The following CBR3 variants were observed in gnomAD, a reference collection of about 807,000 sequenced individuals.
CBR3 encodes carbonyl reductase 3.
CBR3 carries 14 observed loss-of-function variants against 11.6 expected under a neutral mutation model. The observed-to-expected ratio is 1.20, with a 90% CI of 0.79 to 1.88. The LOEUF (loss-of-function observed/expected upper bound fraction) is 1.88. Among genes scored for constraint, CBR3 ranks in the 40% most tolerant of loss-of-function variants. The pLI is 0.00. For synonymous variants in CBR3, 125 were observed against 145.6 expected (o/e 0.86, Z 1.02); for missense variants, 308 against 357.3 (o/e 0.86, Z 1.11).
rs1601357563 is a variant in CBR3 at position 36,146,442 on chromosome 21, C to A, written c.764C>A (p.Ala255Asp). Residue 255 changes from alanine (A) to aspartate (D), a missense_variant, in exon 3 of 3, where the codon GCC becomes GAC. By Grantham distance (126) the Ala-to-Asp change is moderately radical. Coordinates refer to ENST00000290354, the MANE Select transcript of CBR3 (RefSeq NM_001236.4). ...EEGAETPVYLALLPPDATEPQ... is the reference protein window; with the variant it reads ...EEGAETPVYLDLLPPDATEPQ... ...GGGGCTGAGACCCCTGTCTACTTGG[C>A]CCTCTTGCCTCCAGATGCCACTGAG... The A allele has an allele frequency of 6.2e-7, 1 of 1,614,088 alleles. No homozygotes were observed. The highest frequency in any genetic ancestry group is 1.7e-5 in the Admixed American group (1 of 60,008).
At position 36,137,857 on chromosome 21, in the gene CBR3, G is replaced by A; in HGVS notation, c.322G>A (p.Glu108Lys). The A allele has an allele frequency of 6.2e-7, 1 of 1,609,370 alleles. No homozygotes were observed. The highest frequency in any genetic ancestry group is 2.2e-5 in the East Asian group (1 of 44,860). The change falls in exon 2 of 3, where the codon GAG becomes AAG. Residue 108 changes from glutamate to lysine, a missense_variant. Coordinates refer to ENST00000290354, the MANE Select transcript of CBR3 (RefSeq NM_001236.4). ...TCCAATGCCCTTTGACATTAAAGCT[G>A]AGATGACACTGAAGACAAATTTTTT... ...DDPMPFDIKA[E>K]MTLKTNFFAT...
chr21:36,135,675 G>T, intron 1 of CBR3, 194 bp downstream of exon 1: 1 of 564,152 alleles, frequency 1.8e-6, no homozygotes, highest in Admixed American at 3.8e-5. Context: ...GGGCCCGGGC[G>T]ACAAACAGCG....
At position 36,135,172 on chromosome 21, in the gene CBR3, C is replaced by T. The variant is rs2065648043; in HGVS notation, c.-21C>T. 6 of 1,432,506 alleles carry T rather than the reference C, an allele frequency of 4.2e-6. No individual in the cohort carries two copies. The highest frequency in any genetic ancestry group is 5.5e-6 in the Non-Finnish European group (6 of 1,096,430). 88.7% of individuals were successfully genotyped at this position (1,432,506 alleles called of 1,614,324 possible). On this transcript the variant is annotated 5_prime_UTR_variant, in exon 1 of 3. Transcript: ENST00000290354. The stretch of plus-strand genomic sequence containing the variant: ...GCCCGGTCCGCCCTCCACGCAGGTG[C>T]CCCGCGCTCCCCGCTCAGCCATGTC...
chr21:36,146,330 G>C lies in CBR3; in HGVS notation c.652G>C (p.Ala218Pro). ...CAGGCGTCTGGATGAGAAGAGGAAA[G>C]CTGACAGGATTCTGGTGAATGCGTG... is the stretch of plus-strand genomic sequence containing the variant. Reference protein sequence around the residue: ...LARRLDEKRKADRILVNACCP... With the variant: ...LARRLDEKRKPDRILVNACCP... The change falls in exon 3 of 3, where the codon GCT (alanine) becomes CCT (proline). Residue 218 changes from alanine (A) to proline (P), a missense_variant. Transcript: ENST00000290354. 2 of 1,614,180 alleles carry C rather than the reference G, an allele frequency of 1.2e-6. No individual in the cohort carries two copies. Among genetic ancestry groups the C allele is most frequent in the Non-Finnish European group, 1.7e-6 (2 of 1,180,044 alleles).
In CBR3 at chr21:36,135,279, C is replaced by T; in HGVS notation, c.87C>T (p.Phe29=). 6.2e-7 allele frequency: 1 copy of T among 1,607,634 alleles called. No homozygotes were observed. The highest frequency in any genetic ancestry group is 8.5e-7 in the Non-Finnish European group (1 of 1,177,840). The stretch of plus-strand genomic sequence containing the variant: ...TCGCGCGCGAACTGTGCCGACAGTT[C>T]TCTGGGGATGTGGTGCTCACCGCGC... ...LAIARELCRQ[F]SGDVVLTARD... Residue 29 remains phenylalanine, a synonymous_variant, in exon 1 of 3, where the codon TTC becomes TTT. Transcript: ENST00000290354.
At chr21:36,140,885 G>A (rs8127449) in intron 2 of CBR3, among the ~76,000 whole-genome samples, 58,362 of 151,086 alleles carry the variant, frequency 0.39, 11,596 homozygotes, top group South Asian at 0.5. Context: ...GTGGGCACCT[G>A]TAGTCCCAGC....
At chr21:36,145,225 T>C (rs1237724930) in intron 2 of CBR3, 1 of 152,200 alleles carries the variant, frequency 6.6e-6, no homozygotes, top group East Asian at 1.9e-4. Context: ...CTGTCACTGA[T>C]GGAGGTGTGT....
chr21:36,139,190 T>C (rs982339334), intron 2 of CBR3, among the ~76,000 whole-genome samples: 1 of 152,136 alleles, frequency 6.6e-6, no homozygotes, highest in Non-Finnish European at 1.5e-5. Context: ...GTGAGCATTA[T>C]AGACAGGGAC....
chr21:36,143,785 C>CA (rs2065732429), intron 2 of CBR3, among the ~76,000 whole-genome samples: 1 of 147,772 alleles, frequency 6.8e-6, no homozygotes, highest in Non-Finnish European at 1.5e-5. Context: ...GGGGCTGAGA[C>CA]AGGAGGATCA....
At chr21:36,141,930 A>G in intron 2 of CBR3, 2 of 984,626 alleles carry the variant, frequency 2.0e-6, no homozygotes, top group South Asian at 9.4e-5. Flanking sequence ...GTAGCCGCCA[A>G]GTTTCTGAGA....
chr21:36,135,905 G>A (rs1442948571), intron 1 of CBR3, among the ~76,000 whole-genome samples: 2 of 152,218 alleles, frequency 1.3e-5, no homozygotes, highest in Admixed American at 6.5e-5. Context: ...ATTCATAGAT[G>A]CCCGGAGGCA....
chr21:36,146,237 G>A lies in CBR3; in HGVS notation c.559G>A (p.Glu187Lys). 1.2e-6 allele frequency: 2 copies of A among 1,614,186 alleles called. No individual in the cohort carries two copies. Among genetic ancestry groups the A allele is most frequent in the Non-Finnish European group, 1.7e-6 (2 of 1,180,032 alleles). Residue 187 changes from glutamate (E) to lysine (K), a missense_variant, in exon 3 of 3, where the codon GAA becomes AAA. By Grantham distance (56) the Glu-to-Lys change is moderately conservative. Transcript: ENST00000290354. ...CACAAAAAATGAGGTGCATGAGAGGGAAGGCTGGCCCAACTCACCTTATGG... is the reference window on the plus strand; with the variant it reads ...CACAAAAAATGAGGTGCATGAGAGGAAAGGCTGGCCCAACTCACCTTATGG... ...EDTKNEVHEREGWPNSPYGVS... is the reference protein window; with the variant it reads ...EDTKNEVHERKGWPNSPYGVS...
intron 2 of CBR3, among the ~76,000 whole-genome samples, chr21:36,145,307 C>T (rs2123353382): frequency 6.6e-6 from 1 of 152,180 alleles, no homozygotes; most frequent in African/African-American, 2.4e-5. Flanking sequence ...CTTCTATAGT[C>T]ACATTTTTAA....
chr21:36,136,192 C>G (rs45553538), intron 1 of CBR3, among the ~76,000 whole-genome samples: 1,642 of 152,104 alleles, frequency 0.011, 30 homozygotes, highest in African/African-American at 0.037. Context: ...GTGGCTCACG[C>G]CTGTAATGCC....
At chr21:36,145,895 A>G (rs1173510668) in intron 2 of CBR3, among the ~76,000 whole-genome samples, 181 bp from the exon 3 acceptor site, 1 of 138,692 alleles carries the variant, frequency 7.2e-6, no homozygotes, top group African/African-American at 2.7e-5. Flanking sequence ...TGGGAGGTGG[A>G]GTTTGCAGTG....
At chr21:36,143,866 T>C (rs1396081866) in intron 2 of CBR3, among the ~76,000 whole-genome samples, 3 of 113,732 alleles carry the variant, frequency 2.6e-5, no homozygotes, top group Admixed American at 2.2e-4. Context: ...GCTGGCAGAG[T>C]GAGATTCTGT....
At position 36,146,206 on chromosome 21, in the gene CBR3, G is replaced by A; in HGVS notation, c.528G>A (p.Val176=). 6.2e-7 allele frequency: 1 copy of A among 1,614,126 alleles called. No individual in the cohort carries two copies. The highest frequency in any genetic ancestry group is 8.5e-7 in the Non-Finnish European group (1 of 1,180,010). ...GDLVDLMKKF[V]EDTKNEVHER... ...TGGTGGATCTCATGAAAAAGTTTGT[G>A]GAGGACACAAAAAATGAGGTGCATG... Residue 176 remains valine (V), a synonymous_variant, in exon 3 of 3, where the codon GTG becomes GTA. Coordinates refer to ENST00000290354, the MANE Select transcript of CBR3 (RefSeq NM_001236.4).
At chr21:36,136,264 G>C (rs935710312) in intron 1 of CBR3, among the ~76,000 whole-genome samples, 2 of 150,632 alleles carry the variant, frequency 1.3e-5, no homozygotes, top group Admixed American at 6.6e-5. Flanking sequence ...AGCCGAGATC[G>C]CGCCACTGCA....
rs779279934 is a variant in CBR3, at chr21:36,146,082, T to C, written c.404T>C (p.Val135Ala). Residue 135 changes from valine to alanine, a missense_variant, in exon 3 of 3, where the codon GTG becomes GCG. Transcript: ENST00000290354. ...ATTTATCATTCTGTTTCAGGGAGAG[T>C]GGTGAATATCAGTAGTTTGCAGTGT... ...LLPIMKPHGR[V>A]VNISSLQCLR... 2.0e-5 allele frequency: 32 copies of C among 1,604,500 alleles called. No individual in the cohort carries two copies. Among genetic ancestry groups the C allele is most frequent in the Non-Finnish European group, 2.4e-5 (28 of 1,173,040 alleles).
Sources: gnomAD v4.1 joint callset for allele counts (sites outside exome capture counted in the v4.1 genomes callset) on GRCh38, gnomAD v4.1.1 for gene constraint, MANE v1.5 for transcripts, NCBI Gene and HGNC (gene_info 2026-07-23, HGNC 2026-07-21) for gene names.